Variants in ATP6V0E1 observed in about 807,000 individuals in gnomAD.
ATP6V0E1 encodes V-type proton ATPase subunit e 1.
Under a neutral mutation model 11.6 loss-of-function variants are expected in ATP6V0E1, and 4 were observed. That is an observed-to-expected ratio of 0.35 (90% CI 0.17 to 0.79). The LOEUF is 0.79. ATP6V0E1 is among the 30% of genes least tolerant of loss of function. The pLI is 0.54. For synonymous variants in ATP6V0E1, 36 were observed against 34.8 expected (o/e 1.04, Z -0.13); for missense variants, 105 against 100.0 (o/e 1.05, Z -0.21).
intron 1 of ATP6V0E1, 150 bp downstream of exon 1, chr5:172,984,114 TTG>T: frequency 1.4e-6 from 1 of 731,072 alleles, no homozygotes; most frequent in Non-Finnish European, 2.4e-6. Flanking sequence ...GCGGAACTCC[TTG>T]TGTTCCTTTT....
intron 3 of ATP6V0E1, among the ~76,000 whole-genome samples, chr5:173,021,142 G>T (rs558197358): frequency 6.6e-6 from 1 of 152,032 alleles, no homozygotes; most frequent in Non-Finnish European, 1.5e-5. Flanking sequence ...GGGGGCAGCC[G>T]TGTCATATGG....
intron 1 of ATP6V0E1, among the ~76,000 whole-genome samples, chr5:172,993,686 C>CA (rs1052943925): frequency 2.4e-5 from 3 of 125,174 alleles, no homozygotes; most frequent in African/African-American, 6.2e-5. Context: ...GAGACCCCCC[C>CA]CCCCGACCCC....
chr5:172,988,441 C>A (rs1390097013), intron 1 of ATP6V0E1, among the ~76,000 whole-genome samples: 1 of 152,098 alleles, frequency 6.6e-6, no homozygotes, highest in Non-Finnish European at 1.5e-5. Flanking sequence ...GTTCCCATTT[C>A]CTCATTTTAA....
intron 3 of ATP6V0E1, among the ~76,000 whole-genome samples, chr5:173,030,130 T>C (rs186220130): frequency 1.3e-5 from 2 of 152,352 alleles, no homozygotes; most frequent in East Asian, 3.8e-4. Context: ...CTTCCTTCCT[T>C]GGCTACTTTG....
intron 2 of ATP6V0E1, 50 bp downstream of exon 2, chr5:172,994,872 G>A (rs377134642): frequency 8.9e-5 from 126 of 1,412,102 alleles, no homozygotes; most frequent in Middle Eastern, 4.0e-4. Flanking sequence ...TAGTGTGTGC[G>A]ATTTACACAT....
At chr5:173,033,402 A>C (rs1041700370) in intron 3 of ATP6V0E1, among the ~76,000 whole-genome samples, 1 of 152,208 alleles carries the variant, frequency 6.6e-6, no homozygotes, top group African/African-American at 2.4e-5. Flanking sequence ...TTGTACAAAG[A>C]GGCTGTTCTG....
At chr5:173,018,547 T>C (rs1245453682) in intron 2 of ATP6V0E1, among the ~76,000 whole-genome samples, 1 of 152,166 alleles carries the variant, frequency 6.6e-6, no homozygotes, top group Non-Finnish European at 1.5e-5. Flanking sequence ...CTAAAGGCAG[T>C]GTGTATTCTG....
chr5:172,999,071 G>A (rs1756115034), intron 2 of ATP6V0E1, among the ~76,000 whole-genome samples: 1 of 152,088 alleles, frequency 6.6e-6, no homozygotes, highest in African/African-American at 2.4e-5. Flanking sequence ...GGGAGGCAGA[G>A]GTTGCAGTGA....
At chr5:173,013,435 CGTA>C (rs1336195042) in intron 2 of ATP6V0E1, among the ~76,000 whole-genome samples, 1 of 151,718 alleles carries the variant, frequency 6.6e-6, no homozygotes, top group African/African-American at 2.4e-5. Context: ...ATTAACCAGG[CGTA>C]GTGGTGGGCG....
At chr5:173,011,485 G>A (rs541660143) in intron 2 of ATP6V0E1, among the ~76,000 whole-genome samples, 33 of 152,220 alleles carry the variant, frequency 2.2e-4, no homozygotes, top group African/African-American at 7.7e-4. Context: ...CACCTGGCCT[G>A]TTTCATCCTT....
chr5:172,984,070 G>GC, intron 1 of ATP6V0E1, 106 bp downstream of exon 1: 5 of 1,098,408 alleles, frequency 4.6e-6, no homozygotes, highest in East Asian at 2.4e-5. Context: ...TTGCATGGGC[G>GC]CCCCCCGCGC....
intron 2 of ATP6V0E1, among the ~76,000 whole-genome samples, chr5:173,018,348 A>T (rs2113605528): frequency 1.3e-5 from 2 of 152,266 alleles, no homozygotes; most frequent in Middle Eastern, 6.8e-3. Flanking sequence ...CTTCACACTG[A>T]GTAGGCTGAG....
At chr5:173,027,572 AAT>A (rs997037409) in intron 3 of ATP6V0E1, among the ~76,000 whole-genome samples, 2 of 150,954 alleles carry the variant, frequency 1.3e-5, no homozygotes, top group Non-Finnish European at 2.9e-5. Context: ...TTTCCCCTTA[AAT>A]ATATATATTT....
At chr5:173,005,894 T>C (rs1402126057) in intron 2 of ATP6V0E1, among the ~76,000 whole-genome samples, 1 of 152,236 alleles carries the variant, frequency 6.6e-6, no homozygotes, top group Non-Finnish European at 1.5e-5. Context: ...TTTCTAAATA[T>C]CTGGTGCTGT....
intron 2 of ATP6V0E1, among the ~76,000 whole-genome samples, chr5:173,007,596 G>C (rs561000203): frequency 1.3e-5 from 2 of 152,178 alleles, no homozygotes; most frequent in Non-Finnish European, 2.9e-5. Context: ...AGGTAGCCAC[G>C]TAAACCAAAA....
At chr5:172,998,652 G>C (rs2113587545) in intron 2 of ATP6V0E1, among the ~76,000 whole-genome samples, 1 of 149,826 alleles carries the variant, frequency 6.7e-6, no homozygotes, top group Middle Eastern at 3.5e-3. Flanking sequence ...GCAAATACAT[G>C]TATCATCAAG....
intron 3 of ATP6V0E1, among the ~76,000 whole-genome samples, chr5:173,021,878 A>G (rs139551933): frequency 6.6e-6 from 1 of 151,742 alleles, no homozygotes; most frequent in Non-Finnish European, 1.5e-5. Context: ...TACTAAAAAT[A>G]CAAAAAATTA....
intron 3 of ATP6V0E1, chr5:173,020,856 CAG>C: frequency 1.9e-6 from 1 of 519,992 alleles, no homozygotes; most frequent in South Asian, 1.4e-5. Flanking sequence ...TGGTGCAAGA[CAG>C]AGCTGTGCTT....
At chr5:172,998,856 G>A (rs1756111818) in intron 2 of ATP6V0E1, among the ~76,000 whole-genome samples, 1 of 151,920 alleles carries the variant, frequency 6.6e-6, no homozygotes, top group Non-Finnish European at 1.5e-5. Flanking sequence ...AAGGGAAAAT[G>A]GGGGCCGGGC....
Sources: allele counts gnomAD v4.1 joint callset (sites outside exome capture counted in the v4.1 genomes callset), GRCh38; gene constraint gnomAD v4.1.1; transcripts MANE v1.5; gene names NCBI Gene and HGNC (gene_info 2026-07-23, HGNC 2026-07-21).